EXOC3: variants seen among roughly 807,000 people sequenced by gnomAD.
The protein encoded by EXOC3 is SEC6-like 1.
In EXOC3, 21 loss-of-function variants were observed where a neutral mutation model predicts 73.7. That is an observed-to-expected ratio of 0.29 (90% CI 0.20 to 0.41). The LOEUF is 0.41. EXOC3 is among the 10% of genes least tolerant of loss of function. The pLI, the probability that EXOC3 is intolerant of heterozygous loss-of-function variation, is 1.00. For missense variants in EXOC3, 842 were observed against 985.1 expected, an observed-to-expected ratio of 0.85 and a Z score of 1.95; for synonymous variants, 410 against 389.1, an observed-to-expected ratio of 1.05 and a Z score of -0.63.
At chr5:460,999 T>C (rs1228892122) in intron 7 of EXOC3, among the ~76,000 whole-genome samples, 1 of 152,214 alleles carries the variant, frequency 6.6e-6, no homozygotes, top group Admixed American at 6.5e-5. Flanking sequence ...ATCCCCACAG[T>C]AAGTTTAAAA....
rs144647998 is a variant in EXOC3, at chr5:445,507, G to T, written c.-56-643G>T. On this transcript the variant is annotated intron_variant, in intron 1 of 12. Transcript: ENST00000512944. ...TGGGACTACAGGCACCCACCAACAT[G>T]CCCAGCTAATTTTTTTGTGTGTATT... Among the ~76,000 whole-genome samples, 1,268 of 152,220 alleles carry T rather than the reference G, an allele frequency of 8.3e-3. 16 individuals are homozygous for T. Among genetic ancestry groups the T allele is most frequent in the African/African-American group, 0.029 (1,201 of 41,536 alleles).
chr5:446,380 G>A (rs1218976891), intron 2 of EXOC3, 31 bp downstream of exon 2: 2 of 1,544,032 alleles, frequency 1.3e-6, no homozygotes, highest in Admixed American at 4.2e-5. Flanking sequence ...CCCAGGATCT[G>A]TCTTGGGCTT....
At chr5:457,338 G>GA (rs1040996125) in intron 5 of EXOC3, 5 of 352,860 alleles carry the variant, frequency 1.4e-5, no homozygotes, top group South Asian at 9.4e-5. Context: ...GGTTGGGGGG[G>GA]TCCGTCAAGG....
chr5:455,827 A>G (rs1737794470), intron 4 of EXOC3, among the ~76,000 whole-genome samples: 1 of 152,098 alleles, frequency 6.6e-6, no homozygotes, highest in Non-Finnish European at 1.5e-5. Context: ...GATGGTCTCA[A>G]TCTCCTGACC....
At chr5:449,705 A>G (rs962382407) in intron 3 of EXOC3, among the ~76,000 whole-genome samples, 3 of 152,232 alleles carry the variant, frequency 2.0e-5, no homozygotes, top group Non-Finnish European at 4.4e-5. Context: ...GTTGGTGGAC[A>G]TTTGAATTGC....
At chr5:455,609 A>G (rs933860459) in intron 4 of EXOC3, among the ~76,000 whole-genome samples, 5 of 75,584 alleles carry the variant, frequency 6.6e-5, no homozygotes, top group African/African-American at 2.6e-4. Context: ...GAGGCGTGTG[A>G]GTTGAAAGAA....
chr5:445,449 A>G (rs963575957), intron 1 of EXOC3, among the ~76,000 whole-genome samples: 1 of 149,444 alleles, frequency 6.7e-6, no homozygotes, highest in Non-Finnish European at 1.5e-5. Context: ...TCCGGGGTTC[A>G]CGCCAGTCTC....
At chr5:465,037 G>T (rs1738099178) in intron 10 of EXOC3, 74 bp from the exon 11 acceptor site, 1 of 1,443,762 alleles carries the variant, frequency 6.9e-7, no homozygotes, top group Non-Finnish European at 9.1e-7. Flanking sequence ...GGGAGCCCCA[G>T]CCTGGGTTTC....
chr5:462,276 G>C lies in EXOC3; in HGVS notation c.1622G>C (p.Gly541Ala), dbSNP rs750819644. 3.7e-6 allele frequency: 6 copies of C among 1,613,882 alleles called. No individual in the cohort carries two copies. The highest frequency in any genetic ancestry group is 1.7e-5 in the Admixed American group (1 of 60,014). Residue 541 changes from glycine to alanine, a missense_variant, in exon 9 of 13, where the codon GGT (glycine) becomes GCT (alanine). Gly to Ala is a moderately conservative substitution (Grantham distance 60). Coordinates refer to ENST00000512944, the MANE Select transcript of EXOC3 (RefSeq NM_007277.5). Reference sequence around the variant, plus strand: ...GCCATCGCGAAGGAGGGCTGCAGCGGTTTGCTGGAGGAGGTCTTCCTGGAC... The same window carrying C: ...GCCATCGCGAAGGAGGGCTGCAGCGCTTTGCTGGAGGAGGTCTTCCTGGAC... ...LDAIAKEGCS[G>A]LLEEVFLDLE...
intron 3 of EXOC3, 79 bp from the exon 4 acceptor site, chr5:453,291 G>A (rs2126577511): frequency 9.2e-6 from 10 of 1,084,816 alleles, no homozygotes; most frequent in African/African-American, 3.2e-5. Flanking sequence ...CTGCTCTGCC[G>A]TGTTCCCAGA....
intron 10 of EXOC3, chr5:464,883 T>C: frequency 1.7e-6 from 1 of 582,010 alleles, no homozygotes; most frequent in Non-Finnish European, 3.0e-6. Flanking sequence ...GCGTCTGTCC[T>C]GCTGGGGGCC....
chr5:459,678 T>G (rs2561664), intron 7 of EXOC3: 2 of 425,016 alleles, frequency 4.7e-6, no homozygotes, highest in Non-Finnish European at 8.4e-6. Flanking sequence ...CTCCCAGAGC[T>G]GATGTGTTGT....
intron 3 of EXOC3, among the ~76,000 whole-genome samples, chr5:450,147 G>A (rs1737622827): frequency 6.6e-6 from 1 of 152,192 alleles, no homozygotes; most frequent in African/African-American, 2.4e-5. Flanking sequence ...TCAGGAGGCT[G>A]AGGCAGGAGA....
At chr5:446,808 G>A (rs12187440) in intron 2 of EXOC3, among the ~76,000 whole-genome samples, 40,645 of 151,992 alleles carry the variant, frequency 0.27, 7,104 homozygotes, top group Non-Finnish European at 0.39. Context: ...GGTGAGCCGA[G>A]ATGGTGCCAT....
intron 3 of EXOC3, among the ~76,000 whole-genome samples, chr5:450,054 C>T (rs925503723): frequency 1.3e-5 from 2 of 152,006 alleles, no homozygotes; most frequent in Non-Finnish European, 2.9e-5. Flanking sequence ...GAGACCAGCC[C>T]GGCCAACATG....
chr5:459,222 T>G, intron 6 of EXOC3, 137 bp from the exon 7 acceptor site: 3 of 324,082 alleles, frequency 9.3e-6, no homozygotes, highest in Non-Finnish European at 5.1e-6. Context: ...TTTCACGTGG[T>G]TTCATTTTTT....
At chr5:461,806 G>A in intron 7 of EXOC3, 154 bp from the exon 8 acceptor site, 1 of 617,248 alleles carries the variant, frequency 1.6e-6, no homozygotes, top group South Asian at 2.0e-5. Flanking sequence ...CCTTCCATTA[G>A]TCTGGATCGT....
chr5:464,868 C>T (rs866676612), intron 10 of EXOC3: 4 of 562,354 alleles, frequency 7.1e-6, no homozygotes, highest in African/African-American at 3.8e-5. Flanking sequence ...GGCACTGCCT[C>T]GCCCGCGTCT....
chr5:451,491 A>G (rs1737657755), intron 3 of EXOC3, among the ~76,000 whole-genome samples: 1 of 152,240 alleles, frequency 6.6e-6, no homozygotes, highest in Non-Finnish European at 1.5e-5. Context: ...TAGCTTTTAG[A>G]CTATTTTTTA....
Sources: allele counts gnomAD v4.1 joint callset (sites outside exome capture counted in the v4.1 genomes callset), GRCh38; gene constraint gnomAD v4.1.1; transcripts MANE v1.5; gene names NCBI Gene and HGNC (gene_info 2026-07-23, HGNC 2026-07-21).